Variants in PPP2R2B observed in about 807,000 individuals in gnomAD.
The protein encoded by PPP2R2B is serine/threonine-protein phosphatase 2A 55 kDa regulatory subunit B beta isoform.
A neutral mutation model predicts 46.0 loss-of-function variants in PPP2R2B; 5 were observed. The ratio of observed to expected loss-of-function variants is 0.11; its 90% CI spans 0.06 to 0.23. The LOEUF is 0.23. Among genes scored for constraint, PPP2R2B ranks in the 10% least tolerant of loss-of-function variants. PPP2R2B has a pLI of 1.00. For synonymous variants in PPP2R2B, 215 were observed against 206.7 expected (o/e 1.04, Z -0.34); for missense variants, 367 against 575.0 (o/e 0.64, Z 3.70).
At chr5:146,751,837 C>T (rs982651739) in intron 2 of PPP2R2B, among the ~76,000 whole-genome samples, 1 of 152,142 alleles carries the variant, frequency 6.6e-6, no homozygotes, top group Non-Finnish European at 1.5e-5. Flanking sequence ...GAGCACAACA[C>T]AAAAGCACAT....
chr5:146,871,851 T>C (rs1761632199), intron 2 of PPP2R2B, among the ~76,000 whole-genome samples: 1 of 152,242 alleles, frequency 6.6e-6, no homozygotes, highest in African/African-American at 2.4e-5. Flanking sequence ...CAAGTTCCTT[T>C]GGTTCTCTGT....
At chr5:146,901,847 A>T (rs150694283) in intron 1 of PPP2R2B, among the ~76,000 whole-genome samples, 13 of 152,320 alleles carry the variant, frequency 8.5e-5, no homozygotes, top group African/African-American at 2.9e-4. Flanking sequence ...GAAATGGAAT[A>T]GTAGTGCAAA....
Position 146,800,511 on chromosome 5 carries a change from A to T in PPP2R2B, c.70+77491T>A, listed in dbSNP as rs150084097. On this transcript the variant is annotated intron_variant, in intron 2 of 9. Coordinates refer to ENST00000394411, the MANE Select transcript of PPP2R2B (RefSeq NM_181675.4). ...CTGCTGCCTCATTACTTCACAGCTC[A>T]GACTTGCTCTCATAGTCTCATTTCA... Among the ~76,000 whole-genome samples the T allele has an allele frequency of 5.5e-3, 837 of 151,888 alleles. 8 individuals carry two copies. Among genetic ancestry groups the T allele is most frequent in the African/African-American group, 0.019 (801 of 41,436 alleles).
intron 1 of PPP2R2B, among the ~76,000 whole-genome samples, chr5:146,974,382 G>A (rs923551615): frequency 2.6e-5 from 4 of 152,138 alleles, no homozygotes; most frequent in Non-Finnish European, 4.4e-5. Flanking sequence ...GAGGTCCAAG[G>A]AGTATGAGTA....
intron 8 of PPP2R2B, among the ~76,000 whole-genome samples, chr5:146,599,178 A>G (rs187620016): frequency 2.2e-4 from 33 of 152,252 alleles, no homozygotes; most frequent in Middle Eastern, 3.4e-3. Context: ...CTCTTTCAAC[A>G]AAACCACCCT....
At chr5:146,917,187 C>G (rs1344757691) in intron 1 of PPP2R2B, among the ~76,000 whole-genome samples, 1 of 152,206 alleles carries the variant, frequency 6.6e-6, no homozygotes, top group African/African-American at 2.4e-5. Flanking sequence ...CAAGCTGCAT[C>G]ATAGTTGCTC....
At chr5:147,000,289 A>G (rs1754111042) in intron 1 of PPP2R2B, among the ~76,000 whole-genome samples, 1 of 152,062 alleles carries the variant, frequency 6.6e-6, no homozygotes, top group South Asian at 2.1e-4. Context: ...CTTGATTCTA[A>G]TCCCTGCTGT....
At chr5:146,628,498 A>G (rs1774211162) in intron 7 of PPP2R2B, among the ~76,000 whole-genome samples, 1 of 152,196 alleles carries the variant, frequency 6.6e-6, no homozygotes, top group Non-Finnish European at 1.5e-5. Flanking sequence ...GCTACTGCTG[A>G]GGTGAACCCT....
intron 2 of PPP2R2B, among the ~76,000 whole-genome samples, chr5:146,769,460 C>T (rs72813713): frequency 0.066 from 10,088 of 152,134 alleles, 765 homozygotes; most frequent in East Asian, 0.41. Context: ...AAACTATAAT[C>T]GTTTCTTCTT....
intron 1 of PPP2R2B, among the ~76,000 whole-genome samples, chr5:147,034,909 T>G (rs1755962663): frequency 6.6e-6 from 1 of 151,968 alleles, no homozygotes; most frequent in African/African-American, 2.4e-5. Context: ...AACTGATGAC[T>G]GAAACTTTTT....
At chr5:147,077,297 CA>C (rs1757812098) in intron 2 of PPP2R2B, among the ~76,000 whole-genome samples, 1 of 148,060 alleles carries the variant, frequency 6.8e-6, no homozygotes, top group African/African-American at 2.5e-5. Flanking sequence ...CACACACACA[CA>C]CACACACACA....
chr5:146,906,968 A>T (rs1763020519), intron 1 of PPP2R2B, among the ~76,000 whole-genome samples: 1 of 152,218 alleles, frequency 6.6e-6, no homozygotes. Flanking sequence ...CTGTAGCAGG[A>T]GACAGGATGA....
intron 8 of PPP2R2B, among the ~76,000 whole-genome samples, chr5:146,596,828 G>A (rs1183387890): frequency 6.6e-6 from 1 of 152,162 alleles, no homozygotes; most frequent in African/African-American, 2.4e-5. Flanking sequence ...GGGAAACAAA[G>A]CTATCTCCAC....
At chr5:147,054,765 T>C in intron 1 of PPP2R2B, 1 of 447,514 alleles carries the variant, frequency 2.2e-6, no homozygotes, top group South Asian at 1.6e-5. Flanking sequence ...CTCAGCATCC[T>C]CAACCCTTTT....
chr5:146,818,652 T>A (rs927658005), intron 2 of PPP2R2B, among the ~76,000 whole-genome samples: 17 of 152,318 alleles, frequency 1.1e-4, no homozygotes, highest in African/African-American at 4.1e-4. Context: ...CATGATATAG[T>A]TTCATTTTTT....
chr5:146,982,171 T>C (rs1038447818), intron 1 of PPP2R2B, among the ~76,000 whole-genome samples: 1 of 152,236 alleles, frequency 6.6e-6, no homozygotes, highest in African/African-American at 2.4e-5. Context: ...ATTACTGATT[T>C]GAGATATTTT....
At chr5:147,052,683 G>A (rs769604998) in intron 1 of PPP2R2B, among the ~76,000 whole-genome samples, 15 of 152,198 alleles carry the variant, frequency 9.9e-5, no homozygotes, top group Non-Finnish European at 2.2e-4. Flanking sequence ...GCAAGATGGA[G>A]TATGTTTGAC....
At chr5:146,839,204 A>T (rs1326472016) in intron 2 of PPP2R2B, among the ~76,000 whole-genome samples, 2 of 152,226 alleles carry the variant, frequency 1.3e-5, no homozygotes, top group Non-Finnish European at 2.9e-5. Flanking sequence ...AGTCAAATAC[A>T]TATGGATTCA....
intron 5 of PPP2R2B, among the ~76,000 whole-genome samples, chr5:146,661,676 A>G (rs1267155793): frequency 6.6e-6 from 1 of 152,208 alleles, no homozygotes; most frequent in Non-Finnish European, 1.5e-5. Flanking sequence ...GCCTGACTAT[A>G]AAAAGGAGAG....
Sources: allele counts gnomAD v4.1 joint callset (sites outside exome capture counted in the v4.1 genomes callset), GRCh38; gene constraint gnomAD v4.1.1; transcripts MANE v1.5; gene names NCBI Gene and HGNC (gene_info 2026-07-23, HGNC 2026-07-21).